The following CHD6 variants were observed in gnomAD, a reference collection of about 807,000 sequenced individuals.
CHD6 encodes the protein chromodomain helicase DNA binding protein 6, also known as ATP-dependent chromatin remodeler CHD6.
CHD6 carries 50 observed loss-of-function variants against 276.9 expected under a neutral mutation model. The ratio of observed to expected loss-of-function variants is 0.18; its 90% confidence interval spans 0.14 to 0.23. The LOEUF is 0.23. Among genes scored for constraint, CHD6 ranks in the 10% least tolerant of loss-of-function variants. The pLI, the probability that CHD6 is intolerant of heterozygous loss-of-function variation, is 1.00. For synonymous variants in CHD6, 1,173 were observed against 1,229.3 expected (o/e 0.95, Z 0.96); for missense variants, 2,564 against 3,365.8 (o/e 0.76, Z 5.89).
At chr20:41,550,167 C>T (rs2045122361) in intron 2 of CHD6, among the ~76,000 whole-genome samples, 2 of 152,184 alleles carry the variant, frequency 1.3e-5, no homozygotes, top group South Asian at 2.1e-4. Context: ...TTTGAACAGT[C>T]CCCTTTTTGA....
chr20:41,475,350 A>G (rs765480189), intron 16 of CHD6, among the ~76,000 whole-genome samples: 1 of 152,248 alleles, frequency 6.6e-6, no homozygotes, highest in Non-Finnish European at 1.5e-5. Flanking sequence ...TAAGTGAGTT[A>G]AACCCACATC....
intron 17 of CHD6, among the ~76,000 whole-genome samples, chr20:41,463,569 G>C (rs2145730031): frequency 6.6e-6 from 1 of 152,200 alleles, no homozygotes; most frequent in Middle Eastern, 3.4e-3. Flanking sequence ...ACTAAACCTA[G>C]ATCCAATCCT....
In CHD6 at chr20:41,473,236, G is replaced by A. The variant is rs752744853; in HGVS notation, c.2664+86C>T. On this transcript the variant is annotated intron_variant, in intron 17 of 36. Coordinates refer to ENST00000373233, the MANE Select transcript of CHD6 (RefSeq NM_032221.5). The surrounding 1 kb of genome is among the most constrained non-coding windows in gnomAD (Gnocchi z 4.1). ...CTGACACCATAGCATAGAGCATCAC[G>A]GATGCTCTGTAGCCAAGCCAGGCCC... The A allele has an allele frequency of 8.6e-6, 11 of 1,284,144 alleles. No homozygotes were observed. Among genetic ancestry groups the A allele is most frequent in the African/African-American group, 4.4e-5 (3 of 68,462 alleles). The allele number at this position is 1,284,144 out of a possible 1,614,324, so 79.5% of individuals were successfully genotyped here.
chr20:41,599,385 T>A (rs1296035433), intron 1 of CHD6, among the ~76,000 whole-genome samples: 1 of 152,150 alleles, frequency 6.6e-6, no homozygotes, highest in Non-Finnish European at 1.5e-5. Flanking sequence ...TTACCCCTTC[T>A]CTGGTCTCAT....
At chr20:41,504,138 T>C (rs570770543) in intron 5 of CHD6, among the ~76,000 whole-genome samples, 6 of 148,672 alleles carry the variant, frequency 4.0e-5, no homozygotes, top group African/African-American at 1.5e-4. Flanking sequence ...GCATCGCACT[T>C]GTCTCTCTTT....
intron 22 of CHD6, 99 bp downstream of exon 22, chr20:41,451,727 G>C: frequency 9.6e-7 from 1 of 1,038,712 alleles, no homozygotes; most frequent in Non-Finnish European, 1.5e-6. Flanking sequence ...ACCCGAGAAA[G>C]AGAAGTCCCC....
intron 3 of CHD6, among the ~76,000 whole-genome samples, chr20:41,526,924 T>G (rs1241970829): frequency 6.6e-6 from 1 of 152,110 alleles, no homozygotes; most frequent in Non-Finnish European, 1.5e-5. Flanking sequence ...CTCTGGGGAA[T>G]CCACTTTTCT....
At chr20:41,513,587 T>C (rs2044172973) in intron 4 of CHD6, among the ~76,000 whole-genome samples, 1 of 152,182 alleles carries the variant, frequency 6.6e-6, no homozygotes, top group Non-Finnish European at 1.5e-5. Flanking sequence ...AGTGTGATGA[T>C]CTAAGGATTC....
At chr20:41,579,583 G>A (rs1313112257) in intron 1 of CHD6, among the ~76,000 whole-genome samples, 2 of 152,092 alleles carry the variant, frequency 1.3e-5, no homozygotes, top group African/African-American at 2.4e-5. Flanking sequence ...TGATACTAGT[G>A]GTCTCTAAAG....
At chr20:41,442,330 T>C (rs2047926571) in intron 25 of CHD6, among the ~76,000 whole-genome samples, 1 of 151,590 alleles carries the variant, frequency 6.6e-6, no homozygotes, top group Admixed American at 6.6e-5. Flanking sequence ...TGTGCACCTG[T>C]AGCCCCAGCT....
intron 1 of CHD6, among the ~76,000 whole-genome samples, chr20:41,608,529 G>T (rs575252356): frequency 2.0e-5 from 3 of 152,096 alleles, no homozygotes; most frequent in Non-Finnish European, 2.9e-5. Flanking sequence ...ATTCTCCTAC[G>T]TGGGTTTTCA....
chr20:41,484,450 G>C lies in CHD6; in HGVS notation c.2159C>G (p.Ser720Cys). ...YYRAILEKNFSFLTKGANQHN... is the reference protein window; with the variant it reads ...YYRAILEKNFCFLTKGANQHN... ...CTGATTTGCCCCCTTGGTCAGGAAG[G>C]AAAAGTTCTTCTCGAGGATGGCACG... Residue 720 changes from serine (S) to cysteine (C), a missense_variant, in exon 15 of 37, where the codon TCC (serine) becomes TGC (cysteine). By Grantham distance (112) the Ser-to-Cys change is moderately radical (BLOSUM62 -1). Coordinates refer to ENST00000373233, the MANE Select transcript of CHD6 (RefSeq NM_032221.5). 1 of 1,613,836 alleles carries C rather than the reference G, an allele frequency of 6.2e-7. No homozygotes were observed. Among genetic ancestry groups the C allele is most frequent in the South Asian group, 1.1e-5 (1 of 91,068 alleles).
chr20:41,547,418 C>T (rs183488737), intron 2 of CHD6: 44 of 245,974 alleles, frequency 1.8e-4, no homozygotes, highest in African/African-American at 9.7e-4. Context: ...AAGCTGCCTC[C>T]ACCATGCTGC....
intron 1 of CHD6, among the ~76,000 whole-genome samples, chr20:41,617,260 C>A (rs1393484303): frequency 6.6e-6 from 1 of 152,046 alleles, no homozygotes; most frequent in African/African-American, 2.4e-5. Flanking sequence ...GGTCCATAAA[C>A]CCTAATTTGG....
At chr20:41,576,334 G>T (rs947493976) in intron 1 of CHD6, among the ~76,000 whole-genome samples, 1 of 152,220 alleles carries the variant, frequency 6.6e-6, no homozygotes, top group Non-Finnish European at 1.5e-5. Context: ...TATATGTAGC[G>T]AATCAATCCC....
Position 41,435,882 on chromosome 20 carries a change from G to A in CHD6, c.4068+1392C>T, listed in dbSNP as rs151012733. On this transcript the variant is annotated intron_variant, in intron 27 of 36. Coordinates refer to ENST00000373233, the MANE Select transcript of CHD6 (RefSeq NM_032221.5). Reference sequence around the variant, plus strand: ...CTTACGGTATTGCTACGGCACTCAGGATTATGTGCTACTGACAGAGGAAAA... The same window carrying A: ...CTTACGGTATTGCTACGGCACTCAGAATTATGTGCTACTGACAGAGGAAAA... 1.8e-4 allele frequency among the ~76,000 whole-genome samples: 28 copies of A among 152,222 alleles called. No individual in the cohort carries two copies. The East Asian group carries it at 5.4e-3, about 29-fold the overall frequency.
intron 3 of CHD6, among the ~76,000 whole-genome samples, chr20:41,521,294 G>T (rs1413723479): frequency 6.6e-6 from 1 of 152,202 alleles, no homozygotes; most frequent in African/African-American, 2.4e-5. Context: ...GAAGGGGAAA[G>T]TATAGCAAAC....
intron 33 of CHD6, 97 bp from the exon 34 acceptor site, chr20:41,415,735 T>A (rs747898258): frequency 2.2e-6 from 2 of 905,574 alleles, no homozygotes; most frequent in Non-Finnish European, 3.3e-6. Context: ...CCTCATATTG[T>A]TTCCAATCAT....
intron 1 of CHD6, among the ~76,000 whole-genome samples, chr20:41,614,253 G>A (rs974585010): frequency 6.6e-6 from 1 of 151,928 alleles, no homozygotes; most frequent in East Asian, 1.9e-4. Context: ...TCCTGTCCTG[G>A]TTATCTTACA....
Sources: allele counts gnomAD v4.1 joint callset (sites outside exome capture counted in the v4.1 genomes callset), GRCh38; gene constraint gnomAD v4.1.1; non-coding constraint Gnocchi (gnomAD v3.1); transcripts MANE v1.5; gene names NCBI Gene and HGNC (gene_info 2026-07-23, HGNC 2026-07-21).